The following DICER1 variants were observed in gnomAD, a reference collection of about 807,000 sequenced individuals.
The protein encoded by DICER1 is endoribonuclease Dicer.
Under a neutral mutation model 194.1 loss-of-function variants are expected in DICER1, and 43 were observed. That is an observed-to-expected ratio of 0.22 (90% CI 0.17 to 0.29). DICER1 has a LOEUF of 0.29. Among genes scored for constraint, DICER1 ranks in the 10% least tolerant of loss-of-function variants. The pLI, the probability that DICER1 is intolerant of heterozygous loss-of-function variation, is 1.00. For missense variants in DICER1, 1,608 were observed against 2,317.0 expected, an observed-to-expected ratio of 0.69 and a Z score of 6.28; for synonymous variants, 832 against 820.5, an observed-to-expected ratio of 1.01 and a Z score of -0.24.
At chr14:95,141,251 A>C (rs1000889255) in intron 1 of DICER1, 1 of 151,706 alleles carries the variant, frequency 6.6e-6, no homozygotes, top group African/African-American at 2.4e-5. Context: ...AAAAACACAA[A>C]AGGACAGTTA....
intron 8 of DICER1, among the ~76,000 whole-genome samples, chr14:95,117,974 G>A (rs149053982): frequency 2.1e-3 from 327 of 152,220 alleles, no homozygotes; most frequent in Non-Finnish European, 3.4e-3. Flanking sequence ...ATACAAGATT[G>A]GTTTGTACTG....
intron 1 of DICER1, among the ~76,000 whole-genome samples, chr14:95,138,886 G>A (rs996414636): frequency 2.7e-5 from 4 of 149,852 alleles, no homozygotes; most frequent in African/African-American, 9.8e-5. Flanking sequence ...ATTAGTGGGT[G>A]CAGCGCACCA....
At chr14:95,132,392 A>G in intron 3 of DICER1, 123 bp downstream of exon 3, 1 of 1,055,612 alleles carries the variant, frequency 9.5e-7, no homozygotes, top group South Asian at 1.3e-5. Context: ...GAAGAGATTA[A>G]ATGAGTACAT....
chr14:95,120,892 G>A (rs1892883379), intron 8 of DICER1, among the ~76,000 whole-genome samples: 1 of 152,196 alleles, frequency 6.6e-6, no homozygotes, highest in African/African-American at 2.4e-5. Flanking sequence ...CTACCAGGGT[G>A]GGCTAGACTT....
intron 1 of DICER1, among the ~76,000 whole-genome samples, chr14:95,143,684 T>G (rs1317394715): frequency 6.6e-6 from 1 of 152,220 alleles, no homozygotes; most frequent in Non-Finnish European, 1.5e-5. Context: ...TGCCATCCCT[T>G]TAGTGACTGC....
In DICER1 at chr14:95,099,810, G is replaced by C. The variant is rs1425420979; in HGVS notation, c.4176C>G (p.Ser1392Arg). 1.2e-6 allele frequency: 2 copies of C among 1,610,904 alleles called. No individual in the cohort carries two copies. The highest frequency in any genetic ancestry group is 1.7e-6 in the Non-Finnish European group (2 of 1,179,344). ...CATCTTTTTCCCATTTATCTGTGTTGCTTTTGTCTTGATTTACTACATAAC... is the reference window on the plus strand; with the variant it reads ...CATCTTTTTCCCATTTATCTGTGTTCCTTTTGTCTTGATTTACTACATAAC... ...PPGYVVNQDKSNTDKWEKDEM... is the reference protein window; with the variant it reads ...PPGYVVNQDKRNTDKWEKDEM... The change falls in exon 22 of 27, where the codon AGC (serine) becomes AGG (arginine). Residue 1392 changes from serine to arginine, a missense_variant. By Grantham distance (110) the Ser-to-Arg change is moderately radical. Around this residue, in one of 10 missense-constraint regions of DICER1, gnomAD observed 164 missense variants for 183.7 expected, o/e 0.89. Coordinates refer to ENST00000343455, the MANE Select transcript of DICER1 (RefSeq NM_177438.3).
At chr14:95,151,593 C>T (rs1436097883) in intron 1 of DICER1, among the ~76,000 whole-genome samples, 3 of 152,206 alleles carry the variant, frequency 2.0e-5, no homozygotes, top group Non-Finnish European at 4.4e-5. Flanking sequence ...CAGTGCTCAT[C>T]GGCTATAAAG....
At position 95,124,697 on chromosome 14, in the gene DICER1, A is replaced by C; in HGVS notation, c.904-29T>G. On this transcript the variant is annotated intron_variant, in intron 7 of 26. Coordinates refer to ENST00000343455, the MANE Select transcript of DICER1 (RefSeq NM_177438.3). This position sits in a 1 kb window ranked among gnomAD's most constrained non-coding sequence, Gnocchi z 4.5. Reference sequence around the variant, plus strand: ...CAAAAAAAAGAAAAGAAAAAACCTAATGCCAAATAATAATAATGTAGCATT... The same window carrying C: ...CAAAAAAAAGAAAAGAAAAAACCTACTGCCAAATAATAATAATGTAGCATT... 2.0e-6 allele frequency: 3 copies of C among 1,504,676 alleles called. No homozygotes were observed. The highest frequency in any genetic ancestry group is 2.8e-6 in the Non-Finnish European group (3 of 1,082,076). The allele number at this position is 1,504,676 out of a possible 1,614,324, so 93.2% of individuals were successfully genotyped here.
At chr14:95,144,234 T>C (rs1894990215) in intron 1 of DICER1, among the ~76,000 whole-genome samples, 2 of 152,158 alleles carry the variant, frequency 1.3e-5, no homozygotes, top group African/African-American at 4.8e-5. Context: ...ATCTATACAC[T>C]GTCACTCCCT....
intron 6 of DICER1, 53 bp from the exon 7 acceptor site, chr14:95,126,801 TAA>T (rs1171538451): frequency 2.1e-6 from 2 of 962,158 alleles, no homozygotes; most frequent in Non-Finnish European, 2.8e-6. Context: ...GAATGCAATT[TAA>T]AAAAAGTTTT....
At chr14:95,126,982 G>C (rs1021370237) in intron 6 of DICER1, among the ~76,000 whole-genome samples, 1 of 152,034 alleles carries the variant, frequency 6.6e-6, no homozygotes, top group African/African-American at 2.4e-5. Flanking sequence ...TTGTTTAAAA[G>C]ATGTTTTCAA....
intron 8 of DICER1, among the ~76,000 whole-genome samples, chr14:95,118,859 G>A (rs960863972): frequency 6.6e-6 from 1 of 151,512 alleles, no homozygotes; most frequent in African/African-American, 2.4e-5. Flanking sequence ...TGGCCATCTA[G>A]AATCTCTCTT....
At chr14:95,090,787 C>CA in intron 26 of DICER1, 124 bp from the exon 27 acceptor site, 1 of 1,232,540 alleles carries the variant, frequency 8.1e-7, no homozygotes, top group East Asian at 2.3e-5. Context: ...ACAAAGGAAA[C>CA]ACGCGTTACG....
chr14:95,128,424 T>C (rs1893667462), intron 6 of DICER1, among the ~76,000 whole-genome samples: 1 of 152,174 alleles, frequency 6.6e-6, no homozygotes, highest in Non-Finnish European at 1.5e-5. Flanking sequence ...ACCACCACAG[T>C]GTTGGCTCAA....
chr14:95,157,855 G>T, upstream of DICER1: 1 of 152,408 alleles, frequency 6.6e-6, no homozygotes, highest in Non-Finnish European at 1.5e-5. Context: ...GGCACCCACA[G>T]ACCGTAACGT....
Position 95,105,909 on chromosome 14 carries a change from T to C in DICER1, c.2988-126A>G, listed in dbSNP as rs1595373319. 7.1e-7 allele frequency: 1 copy of C among 1,410,180 alleles called. No individual in the cohort carries two copies. The highest frequency in any genetic ancestry group is 2.3e-5 in the East Asian group (1 of 43,942). The allele number at this position is 1,410,180 out of a possible 1,614,324, so 87.4% of individuals were successfully genotyped here. A position where few individuals can be genotyped will look rare whatever the true frequency, so the allele number is the denominator to read the frequency against. On this transcript the variant is annotated intron_variant, in intron 18 of 26. Coordinates refer to ENST00000343455, the MANE Select transcript of DICER1 (RefSeq NM_177438.3). This position sits in a 1 kb window ranked among gnomAD's most constrained non-coding sequence, Gnocchi z 4.9. ...CTCTTGGGCTACCCCTTGGGCAAGT[T>C]TGTGTGCAAAGCATCTCCTGATTTC... is the stretch of plus-strand genomic sequence containing the variant.
At chr14:95,094,817 C>T (rs1164074085) in intron 23 of DICER1, among the ~76,000 whole-genome samples, 1 of 152,210 alleles carries the variant, frequency 6.6e-6, no homozygotes. Flanking sequence ...TAAATCAACA[C>T]CTCTATTTTC....
intron 22 of DICER1, 145 bp from the exon 23 acceptor site, chr14:95,096,858 T>C: frequency 1.1e-6 from 1 of 881,440 alleles, no homozygotes; most frequent in Non-Finnish European, 1.7e-6. Context: ...TGGCCATTTG[T>C]TTTCAATTAA....
At chr14:95,131,090 C>T (rs1446254229) in intron 4 of DICER1, among the ~76,000 whole-genome samples, 4 of 151,998 alleles carry the variant, frequency 2.6e-5, no homozygotes, top group African/African-American at 9.7e-5. Flanking sequence ...AGTGCAGTGG[C>T]GCGATCTCAG....
Sources: allele counts gnomAD v4.1 joint callset (sites outside exome capture counted in the v4.1 genomes callset), GRCh38; gene constraint gnomAD v4.1.1; regional missense constraint gnomAD v4.1.1; non-coding constraint Gnocchi (gnomAD v3.1); transcripts MANE v1.5; gene names NCBI Gene and HGNC (gene_info 2026-07-23, HGNC 2026-07-21).